Variants in EIF2AK3 observed in about 807,000 individuals in gnomAD.
EIF2AK3 encodes eukaryotic translation initiation factor 2-alpha kinase 3.
A neutral mutation model predicts 113.5 loss-of-function variants in EIF2AK3; 50 were observed. The ratio of observed to expected loss-of-function variants is 0.44; its 90% CI spans 0.35 to 0.56. The LOEUF is 0.56. EIF2AK3 is among the 20% of genes least tolerant of loss of function. The probability of loss-of-function intolerance (pLI) is 0.00; values close to 1 mark genes in which losing one functional copy is unlikely to be tolerated. For missense variants in EIF2AK3, 1,185 were observed against 1,378.0 expected, an observed-to-expected ratio of 0.86 and a Z score of 2.22; for synonymous variants, 448 against 495.4, an observed-to-expected ratio of 0.90 and a Z score of 1.27.
In EIF2AK3 at chr2:88,575,012, G is replaced by A; in HGVS notation, c.2471C>T (p.Thr824Ile). Reference protein sequence around the residue: ...DNASSKEEPKTNRLHIGNHCA... With the variant: ...DNASSKEEPKINRLHIGNHCA... ...ATGGTTGCCAATATGCAATCGATTAGTTTTCGGCTCTTCTTTACTGGAAGC... is the reference window on the plus strand; with the variant it reads ...ATGGTTGCCAATATGCAATCGATTAATTTTCGGCTCTTCTTTACTGGAAGC... The change falls in exon 13 of 17, where the codon ACT (threonine) becomes ATT (isoleucine). Residue 824 changes from threonine to isoleucine, a missense_variant. Around this residue, in one of 3 missense-constraint regions of EIF2AK3, gnomAD observed 877 missense variants for 1,024.2 expected, o/e 0.86. Coordinates refer to ENST00000303236, the MANE Select transcript of EIF2AK3 (RefSeq NM_004836.7). The A allele has an allele frequency of 6.2e-7, 1 of 1,614,226 alleles. No individual in the cohort carries two copies. Among genetic ancestry groups the A allele is most frequent in the Non-Finnish European group, 8.5e-7 (1 of 1,180,040 alleles).
In EIF2AK3 at chr2:88,595,587, T is replaced by G; in HGVS notation, c.515A>C (p.Glu172Ala). Residue 172 changes from glutamate to alanine, a missense_variant, in exon 3 of 17, where the codon GAA (glutamate) becomes GCA (alanine). Glu to Ala is a moderately radical substitution (Grantham distance 107). Around this residue, in one of 3 missense-constraint regions of EIF2AK3, gnomAD observed 119 missense variants for 178.7 expected, o/e 0.67. Coordinates refer to ENST00000303236, the MANE Select transcript of EIF2AK3 (RefSeq NM_004836.7). The stretch of plus-strand genomic sequence containing the variant: ...TGATTCAACTGTGAAAGGAACTGTT[T>G]CCATGCTTTCACGGTCTTGGTCCCA... ...FQWDQDRESM[E>A]TVPFTVESLL... 6.2e-7 allele frequency: 1 copy of G among 1,614,000 alleles called. No homozygotes were observed. The highest frequency in any genetic ancestry group is 8.5e-7 in the Non-Finnish European group (1 of 1,179,930).
At chr2:88,617,755 C>CA (rs34207001) in intron 1 of EIF2AK3, among the ~76,000 whole-genome samples, 107,245 of 145,316 alleles carry the variant, frequency 0.74, 39,448 homozygotes, top group East Asian at 0.83. Flanking sequence ...GACTCCATCT[C>CA]AAAAAAAAAA....
At chr2:88,613,948 C>A in intron 1 of EIF2AK3, 95 bp from the exon 2 acceptor site, 1 of 1,165,280 alleles carries the variant, frequency 8.6e-7, no homozygotes, top group Non-Finnish European at 1.2e-6. Context: ...CATGTCCAGG[C>A]CTCTATTCGT....
At chr2:88,590,080 C>A (rs1195957761) in intron 6 of EIF2AK3, among the ~76,000 whole-genome samples, 12 of 151,918 alleles carry the variant, frequency 7.9e-5, no homozygotes, top group Non-Finnish European at 1.6e-4. Flanking sequence ...ACTAAAAATA[C>A]AAAAATTAGC....
chr2:88,621,593 A>G (rs553831893), intron 1 of EIF2AK3, among the ~76,000 whole-genome samples: 2 of 152,326 alleles, frequency 1.3e-5, no homozygotes, highest in South Asian at 4.1e-4. Flanking sequence ...TAAAGGAGGC[A>G]TATGTTCTTG....
chr2:88,619,973 AAAT>A (rs1277946115), intron 1 of EIF2AK3, among the ~76,000 whole-genome samples: 1 of 151,974 alleles, frequency 6.6e-6, no homozygotes, highest in Admixed American at 6.6e-5. Context: ...AAAAAAAAAA[AAAT>A]CTTTGCCTTC....
At chr2:88,571,809 T>A (rs1321802445) in intron 13 of EIF2AK3, among the ~76,000 whole-genome samples, 2 of 152,196 alleles carry the variant, frequency 1.3e-5, no homozygotes, top group African/African-American at 4.8e-5. Flanking sequence ...AAAACCTCTA[T>A]GTTCTCAAGA....
At chr2:88,562,548 T>C (rs1222173698) in intron 14 of EIF2AK3, among the ~76,000 whole-genome samples, 158 bp from the exon 15 acceptor site, 1 of 152,198 alleles carries the variant, frequency 6.6e-6, no homozygotes, top group East Asian at 1.9e-4. Flanking sequence ...CCAAGTCTCT[T>C]TTCTTCACTA....
At chr2:88,572,881 G>C (rs1446946877) in intron 13 of EIF2AK3, among the ~76,000 whole-genome samples, 1 of 152,186 alleles carries the variant, frequency 6.6e-6, no homozygotes, top group Non-Finnish European at 1.5e-5. Context: ...AGAAGGACCA[G>C]GTTTCTGTCA....
chr2:88,602,510 GAAGA>G (rs1675181261), intron 2 of EIF2AK3, among the ~76,000 whole-genome samples: 1 of 152,268 alleles, frequency 6.6e-6, no homozygotes, highest in East Asian at 1.9e-4. Context: ...CATAGGCCAT[GAAGA>G]AAGAGAGTGT....
intron 10 of EIF2AK3, among the ~76,000 whole-genome samples, chr2:88,582,789 C>T (rs1176042457): frequency 6.6e-6 from 1 of 152,094 alleles, no homozygotes; most frequent in Non-Finnish European, 1.5e-5. Flanking sequence ...CACGTCTTTT[C>T]CTTGTCCCCA....
Position 88,627,333 on chromosome 2 carries a change from C to T in EIF2AK3, c.-59G>A. ...CAGCCACTGACGCCTGCCTCTCCCG[C>T]CGCTTGGAGCTCCCAAGAAGGCAAG... On this transcript the variant is annotated 5_prime_UTR_variant, in exon 1 of 17. Transcript: ENST00000303236. 1 of 1,431,294 alleles carries T rather than the reference C, an allele frequency of 7.0e-7. No homozygotes were observed. The highest frequency in any genetic ancestry group is 1.4e-5 in the South Asian group (1 of 73,690). 88.7% of individuals were successfully genotyped at this position (1,431,294 alleles called of 1,614,324 possible). A position where few individuals can be genotyped will look rare whatever the true frequency, so the allele number is the denominator to read the frequency against.
chr2:88,577,475 T>C (rs1392445382), intron 11 of EIF2AK3, among the ~76,000 whole-genome samples: 1 of 151,874 alleles, frequency 6.6e-6, no homozygotes, highest in East Asian at 1.9e-4. Context: ...TTTTTTTTTT[T>C]TCCTGAGACA....
At chr2:88,562,759 A>G (rs1673999858) in intron 14 of EIF2AK3, among the ~76,000 whole-genome samples, 1 of 152,224 alleles carries the variant, frequency 6.6e-6, no homozygotes, top group Non-Finnish European at 1.5e-5. Flanking sequence ...CAAATCTTTC[A>G]TTTCTAATCA....
intron 1 of EIF2AK3, 65 bp from the exon 2 acceptor site, chr2:88,613,918 T>G (rs963552785): frequency 1.1e-5 from 16 of 1,478,054 alleles, no homozygotes; most frequent in Non-Finnish European, 1.3e-5. Context: ...TTATCCCACA[T>G]GCTCAAAAGA....
intron 10 of EIF2AK3, among the ~76,000 whole-genome samples, chr2:88,581,121 C>T (rs938844178): frequency 6.6e-6 from 1 of 151,596 alleles, no homozygotes; most frequent in Non-Finnish European, 1.5e-5. Context: ...GAGATTTGAA[C>T]TCATGACTGA....
At chr2:88,603,895 T>A (rs926076700) in intron 2 of EIF2AK3, among the ~76,000 whole-genome samples, 2 of 152,154 alleles carry the variant, frequency 1.3e-5, no homozygotes, top group African/African-American at 2.4e-5. Context: ...TCCCAACTCA[T>A]ATCTAAACAA....
chr2:88,592,627 G>C (rs568646647), intron 4 of EIF2AK3, among the ~76,000 whole-genome samples: 27 of 152,188 alleles, frequency 1.8e-4, no homozygotes, highest in African/African-American at 6.5e-4. Context: ...GCCGGGCATG[G>C]TGGCGCATGC....
intron 15 of EIF2AK3, among the ~76,000 whole-genome samples, chr2:88,559,615 A>G (rs915777707): frequency 8.6e-5 from 13 of 151,818 alleles, no homozygotes; most frequent in Non-Finnish European, 1.8e-4. Flanking sequence ...AGAGAGAGAG[A>G]GAGAAAGGGC....
Sources: allele counts gnomAD v4.1 joint callset (sites outside exome capture counted in the v4.1 genomes callset), GRCh38; gene constraint gnomAD v4.1.1; regional missense constraint gnomAD v4.1.1; transcripts MANE v1.5; gene names NCBI Gene and HGNC (gene_info 2026-07-23, HGNC 2026-07-21).